The following ARK2C variants were observed in gnomAD, a reference collection of about 807,000 sequenced individuals.
ARK2C encodes the protein E3 ubiquitin-protein ligase ARK2C.
chr18:46,369,974 C>T, the ARK2C span, among the ~76,000 whole-genome samples: 5 of 152,282 alleles, frequency 3.3e-5, no homozygotes, highest in African/African-American at 9.6e-5. Flanking sequence ...TGCACACACA[C>T]GCACCCTAGA....
the ARK2C span, among the ~76,000 whole-genome samples, chr18:46,377,124 C>T: frequency 6.6e-6 from 1 of 152,124 alleles, no homozygotes; most frequent in Non-Finnish European, 1.5e-5. Context: ...CTCCAATCAG[C>T]ACATGGCCTG....
chr18:46,335,678 C>T, the ARK2C span: 1 of 159,264 alleles, frequency 6.3e-6, no homozygotes, highest in Admixed American at 6.5e-5. Context: ...AGGGCCAGCG[C>T]TTTAGTGCGC....
the ARK2C span, among the ~76,000 whole-genome samples, chr18:46,363,715 G>A: frequency 6.6e-6 from 1 of 152,144 alleles, no homozygotes; most frequent in African/African-American, 2.4e-5. Context: ...GTTATAATGA[G>A]CTGGCCTTGT....
chr18:46,456,767 G>T, the ARK2C span: 5 of 728,544 alleles, frequency 6.9e-6, no homozygotes, highest in African/African-American at 8.7e-5. Flanking sequence ...TTTGTGGAAA[G>T]AGGAGTTGGT....
chr18:46,399,462 C>T, the ARK2C span, among the ~76,000 whole-genome samples: 1 of 152,194 alleles, frequency 6.6e-6, no homozygotes. Flanking sequence ...GGCACGTGAC[C>T]TCCTGTGAGG....
chr18:46,438,023 TGG>T, the ARK2C span, among the ~76,000 whole-genome samples: 1 of 152,226 alleles, frequency 6.6e-6, no homozygotes, highest in Non-Finnish European at 1.5e-5. Flanking sequence ...GGCCAGATTC[TGG>T]GAAGAACTTA....
At chr18:46,378,234 A>T in the ARK2C span, among the ~76,000 whole-genome samples, 2 of 152,066 alleles carry the variant, frequency 1.3e-5, no homozygotes, top group African/African-American at 4.8e-5. Flanking sequence ...CAAGACAAGG[A>T]CCCTGCACAT....
the ARK2C span, among the ~76,000 whole-genome samples, chr18:46,363,608 C>T: frequency 6.6e-6 from 1 of 152,210 alleles, no homozygotes; most frequent in Non-Finnish European, 1.5e-5. Context: ...AGCCCCATCA[C>T]GGGCCCAGGG....
chr18:46,435,597 A>C, the ARK2C span, among the ~76,000 whole-genome samples: 1 of 152,154 alleles, frequency 6.6e-6, no homozygotes, highest in South Asian at 2.1e-4. Context: ...ATTAGCTCAG[A>C]TATTACTGGG....
chr18:46,334,257 G>T, the ARK2C span: 2 of 1,476,620 alleles, frequency 1.4e-6, no homozygotes, highest in South Asian at 1.3e-5. The surrounding 1 kb of genome is among the most constrained non-coding windows in gnomAD (Gnocchi z 4.4). Context: ...CGCCGCCGCC[G>T]CCGCGCGAGG....
chr18:46,358,221 G>T, the ARK2C span, among the ~76,000 whole-genome samples: 2 of 152,206 alleles, frequency 1.3e-5, no homozygotes, highest in Admixed American at 6.5e-5. Context: ...GGCTGCAAGC[G>T]TTCAGAGAAA....
the ARK2C span, among the ~76,000 whole-genome samples, chr18:46,376,756 C>T: frequency 2.8e-5 from 4 of 143,342 alleles, no homozygotes; most frequent in South Asian, 4.4e-4. Context: ...CTGCAACATC[C>T]GCCTCCCAGG....
the ARK2C span, among the ~76,000 whole-genome samples, chr18:46,409,058 G>A: frequency 1.3e-5 from 2 of 152,152 alleles, no homozygotes; most frequent in Admixed American, 1.3e-4. Context: ...CTACACCATG[G>A]AGTTCTGAGG....
the ARK2C span, among the ~76,000 whole-genome samples, chr18:46,371,389 G>A: frequency 2.0e-5 from 3 of 152,180 alleles, 1 homozygote; most frequent in Non-Finnish European, 4.4e-5. Flanking sequence ...CCAGGCCAGC[G>A]AGGAGGCTCT....
At chr18:46,337,681 C>G in the ARK2C span, 1 of 892,976 alleles carries the variant, frequency 1.1e-6, no homozygotes, top group Non-Finnish European at 1.3e-6. Flanking sequence ...TGCTGTTTTC[C>G]CATTTATTGT....
At chr18:46,343,492 C>A in the ARK2C span, among the ~76,000 whole-genome samples, 1 of 152,296 alleles carries the variant, frequency 6.6e-6, no homozygotes, top group Non-Finnish European at 1.5e-5. Context: ...CAGTGAAGAT[C>A]ATCACTGACA....
chr18:46,407,967 C>G, the ARK2C span, among the ~76,000 whole-genome samples: 1 of 152,164 alleles, frequency 6.6e-6, no homozygotes, highest in African/African-American at 2.4e-5. Flanking sequence ...GGAAGCCTTC[C>G]TGGGGGAGGT....
At chr18:46,336,528 C>A in the ARK2C span, 73 of 985,334 alleles carry the variant, frequency 7.4e-5, no homozygotes, top group African/African-American at 8.2e-4. Context: ...TCATGACCTT[C>A]CGATAGAGGA....
chr18:46,431,331 A>C, the ARK2C span, among the ~76,000 whole-genome samples: 1 of 152,180 alleles, frequency 6.6e-6, no homozygotes, highest in African/African-American at 2.4e-5. Context: ...GTAGGTCACT[A>C]AAGCTGTCTA....
Sources: allele counts gnomAD v4.1 joint callset (sites outside exome capture counted in the v4.1 genomes callset), GRCh38; gene constraint gnomAD v4.1.1; non-coding constraint Gnocchi (gnomAD v3.1); transcripts MANE v1.5; gene names NCBI Gene and HGNC (gene_info 2026-07-23, HGNC 2026-07-21).